The following ADK variants were observed in gnomAD, a reference collection of about 807,000 sequenced individuals.
ADK encodes N6,N6-dimethyladenosine kinase.
Under a neutral mutation model 44.7 loss-of-function variants are expected in ADK, and 24 were observed. That is an observed-to-expected ratio of 0.54 (90% confidence interval 0.39 to 0.76). The LOEUF (loss-of-function observed/expected upper bound fraction) is 0.76, where lower values mean the gene tolerates loss of function less well. Among genes scored for constraint, ADK ranks in the 30% least tolerant of loss-of-function variants. ADK has a pLI of 0.00. For synonymous variants in ADK, 128 were observed against 142.6 expected (o/e 0.90, Z 0.73); for missense variants, 321 against 425.1 (o/e 0.76, Z 2.15).
rs185293067 is a variant in ADK, at chr10:74,450,476, A to G, written c.555+51897A>G. The stretch of plus-strand genomic sequence containing the variant: ...TGTTTTATTGCCTTGCATTAAAAAG[A>G]TAATAAATACTGCTTGATGAATTAA... On this transcript the variant is annotated intron_variant, in intron 6 of 10. Transcript: ENST00000539909. Among the ~76,000 whole-genome samples, 7 of 152,360 alleles carry G rather than the reference A, an allele frequency of 4.6e-5. No homozygotes were observed. The East Asian group carries it at 9.6e-4, about 21-fold the overall frequency.
intron 9 of ADK, among the ~76,000 whole-genome samples, chr10:74,659,872 T>C (rs1448252680): frequency 6.6e-6 from 1 of 152,158 alleles, no homozygotes; most frequent in Non-Finnish European, 1.5e-5. Flanking sequence ...AGGGTGGGTC[T>C]GCCTTCCCCA....
intron 7 of ADK, among the ~76,000 whole-genome samples, chr10:74,577,823 C>G (rs1442316424): frequency 6.6e-6 from 1 of 152,142 alleles, no homozygotes; most frequent in Non-Finnish European, 1.5e-5. Context: ...CTAGCGCTCT[C>G]TCTTTAAAGT....
At chr10:74,238,493 G>A (rs140832846) in intron 3 of ADK, among the ~76,000 whole-genome samples, 3 of 151,950 alleles carry the variant, frequency 2.0e-5, no homozygotes, top group South Asian at 2.1e-4. Context: ...TTCTGGTATC[G>A]TAATTATTCC....
At chr10:74,190,429 A>G (rs936310300) in intron 1 of ADK, among the ~76,000 whole-genome samples, 3 of 152,180 alleles carry the variant, frequency 2.0e-5, no homozygotes, top group Non-Finnish European at 4.4e-5. Context: ...GCCTGGGCAC[A>G]CTGTTTTCAT....
chr10:74,261,331 A>G (rs1591949011), intron 3 of ADK, among the ~76,000 whole-genome samples: 1 of 152,198 alleles, frequency 6.6e-6, no homozygotes, highest in African/African-American at 2.4e-5. Flanking sequence ...TTTGTTTATC[A>G]TAGGTTCGAA....
intron 6 of ADK, among the ~76,000 whole-genome samples, chr10:74,435,482 T>A (rs1215611741): frequency 6.6e-6 from 1 of 152,118 alleles, no homozygotes; most frequent in East Asian, 1.9e-4. Flanking sequence ...TAACTACTAT[T>A]ATGTCTGAAA....
At chr10:74,673,248 C>T (rs763586068) in intron 10 of ADK, among the ~76,000 whole-genome samples, 2 of 152,218 alleles carry the variant, frequency 1.3e-5, no homozygotes, top group African/African-American at 4.8e-5. Flanking sequence ...GCAGTAGAAT[C>T]GATTGCACTA....
chr10:74,288,751 T>C (rs1275286445), intron 3 of ADK, among the ~76,000 whole-genome samples: 1 of 152,222 alleles, frequency 6.6e-6, no homozygotes, highest in East Asian at 1.9e-4. Context: ...AATATTTCAG[T>C]GAAGTTGAGC....
chr10:74,634,244 T>C (rs1256632052), intron 9 of ADK, among the ~76,000 whole-genome samples: 1 of 152,044 alleles, frequency 6.6e-6, no homozygotes, highest in Non-Finnish European at 1.5e-5. Context: ...TCGCCCTGCC[T>C]TCCAGGCTGG....
chr10:74,385,214 A>G (rs1177447732), intron 4 of ADK, among the ~76,000 whole-genome samples: 3 of 152,220 alleles, frequency 2.0e-5, no homozygotes, highest in African/African-American at 7.2e-5. Context: ...AGACTTTTAT[A>G]GTAGTCTAAT....
intron 6 of ADK, among the ~76,000 whole-genome samples, chr10:74,468,509 G>A (rs1846438692): frequency 6.6e-6 from 1 of 152,132 alleles, no homozygotes; most frequent in African/African-American, 2.4e-5. Context: ...GATCAGTAGA[G>A]CCTCTTATGA....
intron 1 of ADK, among the ~76,000 whole-genome samples, chr10:74,192,700 T>C (rs11000914): frequency 0.04 from 6,113 of 152,060 alleles, 433 homozygotes; most frequent in African/African-American, 0.14. Context: ...CTAGTAATTT[T>C]AATTTTTGTA....
At chr10:74,336,898 T>C (rs1841427792) in intron 4 of ADK, among the ~76,000 whole-genome samples, 1 of 152,206 alleles carries the variant, frequency 6.6e-6, no homozygotes, top group Admixed American at 6.5e-5. Flanking sequence ...ACCTGTTCAG[T>C]ACAGACTCAA....
At chr10:74,407,662 C>T (rs1425263539) in intron 6 of ADK, among the ~76,000 whole-genome samples, 1 of 152,144 alleles carries the variant, frequency 6.6e-6, no homozygotes, top group African/African-American at 2.4e-5. Context: ...GTACTCTGCC[C>T]CAGCATGTGG....
At chr10:74,585,188 G>A (rs1304018891) in intron 7 of ADK, among the ~76,000 whole-genome samples, 1 of 152,066 alleles carries the variant, frequency 6.6e-6, no homozygotes, top group African/African-American at 2.4e-5. Context: ...ACTATATTTG[G>A]TTGTTGTTTT....
chr10:74,459,824 A>T (rs1846104023), intron 6 of ADK, among the ~76,000 whole-genome samples: 1 of 151,746 alleles, frequency 6.6e-6, no homozygotes, highest in African/African-American at 2.4e-5. Flanking sequence ...AAAATAAGGC[A>T]TTATTTTTTT....
At chr10:74,461,829 G>C (rs1846180934) in intron 6 of ADK, among the ~76,000 whole-genome samples, 1 of 152,064 alleles carries the variant, frequency 6.6e-6, no homozygotes, top group Non-Finnish European at 1.5e-5. Flanking sequence ...CTGTACTAGA[G>C]TTTTGTTATA....
chr10:74,557,144 T>C (rs1433374725), intron 7 of ADK, among the ~76,000 whole-genome samples: 1 of 152,206 alleles, frequency 6.6e-6, no homozygotes, highest in Admixed American at 6.5e-5. Context: ...AACTGTTTTA[T>C]ATATAGTAGA....
intron 4 of ADK, among the ~76,000 whole-genome samples, chr10:74,373,043 C>G (rs1842715875): frequency 6.6e-6 from 1 of 151,838 alleles, no homozygotes; most frequent in Non-Finnish European, 1.5e-5. Context: ...TTATGGTAAC[C>G]TGTCTTTCTA....
Sources: gnomAD v4.1 joint callset for allele counts (sites outside exome capture counted in the v4.1 genomes callset) on GRCh38, gnomAD v4.1.1 for gene constraint, MANE v1.5 for transcripts, NCBI Gene and HGNC (gene_info 2026-07-23, HGNC 2026-07-21) for gene names.